The following PRKG1 variants were observed in gnomAD, a reference collection of about 807,000 sequenced individuals.
The protein encoded by PRKG1 is cGMP-dependent protein kinase 1.
Under a neutral mutation model 88.1 loss-of-function variants are expected in PRKG1, and 35 were observed. The observed-to-expected ratio is 0.40, with a 90% confidence interval of 0.30 to 0.53. The LOEUF (loss-of-function observed/expected upper bound fraction) is 0.53. Among genes scored for constraint, PRKG1 ranks in the 20% least tolerant of loss-of-function variants. PRKG1 has a pLI of 0.59. For synonymous variants in PRKG1, 303 were observed against 292.5 expected, an observed-to-expected ratio of 1.04 and a Z score of -0.37; for missense variants, 540 against 839.8, an observed-to-expected ratio of 0.64 and a Z score of 4.41.
chr10:51,898,024 C>T (rs11597034), intron 4 of PRKG1, among the ~76,000 whole-genome samples: 27,904 of 152,020 alleles, frequency 0.18, 3,058 homozygotes, highest in East Asian at 0.49. Context: ...CTACTAATCT[C>T]CCTCTTTTCC....
chr10:51,589,497 G>T (rs958718259), intron 3 of PRKG1, among the ~76,000 whole-genome samples: 8 of 152,092 alleles, frequency 5.3e-5, no homozygotes, highest in South Asian at 2.1e-4. Flanking sequence ...GGTGGCATGT[G>T]CCTGTAATTC....
At chr10:51,015,434 G>A (rs1055647434) in intron 1 of PRKG1, among the ~76,000 whole-genome samples, 2 of 152,144 alleles carry the variant, frequency 1.3e-5, no homozygotes, top group Non-Finnish European at 2.9e-5. Context: ...TAACTTTGAA[G>A]GCTAGTAGGA....
At chr10:51,898,096 T>G (rs937861203) in intron 4 of PRKG1, among the ~76,000 whole-genome samples, 4 of 152,124 alleles carry the variant, frequency 2.6e-5, no homozygotes, top group African/African-American at 9.7e-5. Flanking sequence ...ACCAGGCACT[T>G]AAAAACCCTT....
At chr10:51,193,479 A>G (rs1257050888) in intron 2 of PRKG1, among the ~76,000 whole-genome samples, 5 of 152,012 alleles carry the variant, frequency 3.3e-5, no homozygotes, top group Non-Finnish European at 7.4e-5. Context: ...ATGAAACTAC[A>G]TTATTTGCAT....
intron 3 of PRKG1, among the ~76,000 whole-genome samples, chr10:51,592,437 C>A (rs1024625226): frequency 1.3e-5 from 2 of 152,104 alleles, no homozygotes; most frequent in Admixed American, 1.3e-4. Context: ...ATTGTGTGCT[C>A]CACTTTGCTT....
At chr10:52,111,230 T>C (rs1345978398) in intron 7 of PRKG1, among the ~76,000 whole-genome samples, 1 of 152,184 alleles carries the variant, frequency 6.6e-6, no homozygotes, top group African/African-American at 2.4e-5. Flanking sequence ...AGGGAAAGTA[T>C]TTTGGAGAAG....
chr10:51,169,632 T>G (rs1260135896), intron 2 of PRKG1, among the ~76,000 whole-genome samples: 1 of 134,856 alleles, frequency 7.4e-6, no homozygotes, highest in Non-Finnish European at 1.5e-5. Flanking sequence ...AGGGTTTGTT[T>G]TCTATGCAAA....
At chr10:51,720,211 T>C (rs1190478033) in intron 3 of PRKG1, among the ~76,000 whole-genome samples, 8 of 152,200 alleles carry the variant, frequency 5.3e-5, no homozygotes, top group Non-Finnish European at 1.2e-4. Flanking sequence ...CTCTTCATTC[T>C]GACCTACAGG....
chr10:51,487,741 T>C (rs1840590798), intron 3 of PRKG1, among the ~76,000 whole-genome samples: 1 of 152,200 alleles, frequency 6.6e-6, no homozygotes, highest in African/African-American at 2.4e-5. Flanking sequence ...ACGAAGCTCG[T>C]AATTTATTGG....
chr10:51,255,514 G>A (rs897261439), intron 2 of PRKG1, among the ~76,000 whole-genome samples: 1 of 152,044 alleles, frequency 6.6e-6, no homozygotes, highest in African/African-American at 2.4e-5. Flanking sequence ...GACTCTGGGT[G>A]TAGTATGAAA....
At chr10:51,677,977 T>C (rs1486738990) in intron 3 of PRKG1, among the ~76,000 whole-genome samples, 2 of 152,174 alleles carry the variant, frequency 1.3e-5, no homozygotes, top group Non-Finnish European at 2.9e-5. Context: ...ACAAATGTTA[T>C]ATTCTTCCTT....
At chr10:51,521,327 G>A (rs941253215) in intron 3 of PRKG1, among the ~76,000 whole-genome samples, 15 of 152,096 alleles carry the variant, frequency 9.9e-5, no homozygotes, top group Non-Finnish European at 1.5e-4. Flanking sequence ...AATATTGTCC[G>A]ACACATAGCA....
At chr10:51,004,172 A>C (rs1031236440) in intron 1 of PRKG1, among the ~76,000 whole-genome samples, 1 of 152,200 alleles carries the variant, frequency 6.6e-6, no homozygotes, top group Admixed American at 6.5e-5. Flanking sequence ...TCTATTAAAA[A>C]ATGTATACTG....
intron 9 of PRKG1, among the ~76,000 whole-genome samples, chr10:52,247,192 A>T (rs1435574905): frequency 1.3e-5 from 2 of 152,132 alleles, no homozygotes; most frequent in Admixed American, 6.6e-5. Context: ...TAATTTTTTT[A>T]AAAAATCATT....
chr10:51,552,410 A>C (rs933732591), intron 3 of PRKG1, among the ~76,000 whole-genome samples: 4 of 151,586 alleles, frequency 2.6e-5, no homozygotes, highest in Non-Finnish European at 5.9e-5. Flanking sequence ...TTTTCTAGCA[A>C]ACTTTTTCTG....
chr10:52,177,615 A>G (rs1838900158), intron 9 of PRKG1, among the ~76,000 whole-genome samples: 1 of 152,096 alleles, frequency 6.6e-6, no homozygotes, highest in Non-Finnish European at 1.5e-5. Context: ...TCAGTGATAA[A>G]GCCCTCTTGT....
At chr10:51,081,273 A>C (rs1283269265) in intron 1 of PRKG1, among the ~76,000 whole-genome samples, 1 of 152,196 alleles carries the variant, frequency 6.6e-6, no homozygotes, top group Non-Finnish European at 1.5e-5. Context: ...AAAGGGCGAA[A>C]CGAGATGGGT....
At chr10:51,099,742 C>T (rs1467526870) in intron 1 of PRKG1, among the ~76,000 whole-genome samples, 1 of 152,146 alleles carries the variant, frequency 6.6e-6, no homozygotes, top group Non-Finnish European at 1.5e-5. Context: ...AGAATATGTT[C>T]TTCTCCCTGG....
intron 3 of PRKG1, among the ~76,000 whole-genome samples, chr10:51,572,616 A>C (rs1458855351): frequency 6.6e-6 from 1 of 151,934 alleles, no homozygotes; most frequent in Non-Finnish European, 1.5e-5. Context: ...AGAACACATT[A>C]GAAATTCCAA....
Sources: allele counts gnomAD v4.1 joint callset (sites outside exome capture counted in the v4.1 genomes callset), GRCh38; gene constraint gnomAD v4.1.1; transcripts MANE v1.5; gene names NCBI Gene and HGNC (gene_info 2026-07-23, HGNC 2026-07-21).